Variants in TTC7B observed in about 807,000 individuals in gnomAD.
TTC7B encodes tetratricopeptide repeat protein 7B.
TTC7B carries 28 observed loss-of-function variants against 106.8 expected under a neutral mutation model. The ratio of observed to expected loss-of-function variants is 0.26; its 90% CI spans 0.19 to 0.36. The LOEUF (loss-of-function observed/expected upper bound fraction) is 0.36, where lower values mean the gene tolerates loss of function less well. Ranked by LOEUF, TTC7B falls within the 10% of genes least tolerant of loss-of-function variation. The probability of loss-of-function intolerance (pLI) is 1.00; values close to 1 mark genes in which losing one functional copy is unlikely to be tolerated. For missense variants in TTC7B, 862 were observed against 1,076.4 expected (o/e 0.80, Z 2.79); for synonymous variants, 405 against 430.6 (o/e 0.94, Z 0.74).
intron 17 of TTC7B, among the ~76,000 whole-genome samples, chr14:90,607,065 G>C (rs535765608): frequency 6.6e-6 from 1 of 152,216 alleles, no homozygotes; most frequent in Non-Finnish European, 1.5e-5. Flanking sequence ...GGACAGGAGA[G>C]AGAGATCGAA....
chr14:90,758,476 AG>A (rs1051232499), intron 3 of TTC7B, among the ~76,000 whole-genome samples: 4 of 8,588 alleles, frequency 4.7e-4, no homozygotes, highest in South Asian at 3.0e-3. Flanking sequence ...GGGGCGGGGC[AG>A]GGGGGGCACG....
At chr14:90,656,956 C>A (rs1885971062) in intron 11 of TTC7B, among the ~76,000 whole-genome samples, 1 of 152,188 alleles carries the variant, frequency 6.6e-6, no homozygotes, top group Non-Finnish European at 1.5e-5. Flanking sequence ...TAGGAAAAAA[C>A]CCCTGGAGTA....
intron 18 of TTC7B, among the ~76,000 whole-genome samples, chr14:90,586,163 T>C (rs1230970733): frequency 6.6e-6 from 1 of 152,234 alleles, no homozygotes; most frequent in Admixed American, 6.5e-5. Context: ...CTTCACCGCA[T>C]GGGCTCCTTC....
At position 90,579,936 on chromosome 14, in the gene TTC7B, C is replaced by T. The variant is rs534810912; in HGVS notation, c.2108-1628G>A. The stretch of plus-strand genomic sequence containing the variant: ...AATTATGCAGAGACTCCCCTCCCTG[C>T]CTCCTGCCCTGGCCATGAGCCTGTC... On this transcript the variant is annotated intron_variant, in intron 18 of 19. Transcript: ENST00000328459. 3.7e-4 allele frequency among the ~76,000 whole-genome samples: 56 copies of T among 152,274 alleles called. 1 individual carries two copies. The highest frequency in any genetic ancestry group is 7.8e-4 in the Admixed American group (12 of 15,290).
intron 19 of TTC7B, among the ~76,000 whole-genome samples, chr14:90,541,831 T>A (rs149685823): frequency 1.5e-3 from 222 of 152,374 alleles, no homozygotes; most frequent in African/African-American, 3.8e-3. Context: ...AATGGCAACT[T>A]CATATGGTTC....
chr14:90,737,954 T>C lies in TTC7B; in HGVS notation c.576+6838A>G, dbSNP rs115858602. Among the ~76,000 whole-genome samples, 601 of 152,212 alleles carry C rather than the reference T, an allele frequency of 3.9e-3. 5 individuals carry two copies. Among genetic ancestry groups the C allele is most frequent in the African/African-American group, 0.014 (575 of 41,528 alleles). On this transcript the variant is annotated intron_variant, in intron 4 of 19. Transcript: ENST00000328459. ...AGGGCTGGGGAGGCTGGCCATAAAA[T>C]GGGGATTGACTGCTGAGTGCAAGGT...
Position 90,653,013 on chromosome 14 carries a change from G to A in TTC7B, c.1460-115C>T, listed in dbSNP as rs1015214895. The A allele has an allele frequency of 7.4e-6, 8 of 1,074,566 alleles. No homozygotes were observed. In the African/African-American group the frequency reaches 9.3e-5, roughly 13 times the overall value. 66.6% of individuals were successfully genotyped at this position (1,074,566 alleles called of 1,614,324 possible). A position where few individuals can be genotyped will look rare whatever the true frequency, so the allele number is the denominator to read the frequency against. On this transcript the variant is annotated intron_variant, in intron 12 of 19. Transcript: ENST00000328459. ...GGATTAAAAGCAACAATGTCTGAGT[G>A]CCTACGTGCCCAGTCCTGCACCAGG...
Position 90,593,767 on chromosome 14 carries a change from G to A in TTC7B, c.1967-141C>T, listed in dbSNP as rs924675814. The A allele has an allele frequency of 1.3e-5, 11 of 858,212 alleles. No homozygotes were observed. In the African/African-American group the frequency reaches 1.4e-4, roughly 11 times the overall value. 53.2% of individuals were successfully genotyped at this position (858,212 alleles called of 1,614,324 possible). Reference sequence around the variant, plus strand: ...TAAGATTTACTGTCCACAGAGAAACGCGGGCAATCACGGCCCGGGGCCTTA... The same window carrying A: ...TAAGATTTACTGTCCACAGAGAAACACGGGCAATCACGGCCCGGGGCCTTA... On this transcript the variant is annotated intron_variant, in intron 17 of 19. Coordinates refer to ENST00000328459, the MANE Select transcript of TTC7B (RefSeq NM_001010854.2).
chr14:90,788,922 C>T (rs973874857), intron 1 of TTC7B, among the ~76,000 whole-genome samples: 5 of 151,204 alleles, frequency 3.3e-5, no homozygotes, highest in Non-Finnish European at 7.4e-5. Context: ...AAGATCATGC[C>T]ACTGCACTCC....
At chr14:90,576,332 T>G (rs1050832315) in intron 19 of TTC7B, among the ~76,000 whole-genome samples, 1 of 152,062 alleles carries the variant, frequency 6.6e-6, no homozygotes, top group Non-Finnish European at 1.5e-5. Context: ...GAGAAAAAAA[T>G]TAAAAGCCAT....
At chr14:90,785,358 G>C (rs1891351378) in intron 2 of TTC7B, among the ~76,000 whole-genome samples, 1 of 152,084 alleles carries the variant, frequency 6.6e-6, no homozygotes, top group Admixed American at 6.5e-5. Flanking sequence ...GGAAACGGAA[G>C]TCAGAGCTCC....
In TTC7B at chr14:90,575,720, G is replaced by A. The variant is rs866914654; in HGVS notation, c.2310+2386C>T. Among the ~76,000 whole-genome samples, 2 of 152,196 alleles carry A rather than the reference G, an allele frequency of 1.3e-5. No homozygotes were observed. Among genetic ancestry groups the A allele is most frequent in the Non-Finnish European group, 2.9e-5 (2 of 68,034 alleles). ...AAGAAGGCGTGCTCAAGCTACCTTC[G>A]GGAGCCACACTGATCAGTCACTGGG... is the stretch of plus-strand genomic sequence containing the variant. On this transcript the variant is annotated intron_variant, in intron 19 of 19. Transcript: ENST00000328459. The surrounding 1 kb of genome is among the most constrained non-coding windows in gnomAD (Gnocchi z 5.2).
chr14:90,618,435 G>A (rs553226786), intron 15 of TTC7B, among the ~76,000 whole-genome samples: 41 of 152,242 alleles, frequency 2.7e-4, no homozygotes, highest in Non-Finnish European at 3.5e-4. Context: ...ATTTGACTCA[G>A]TTGATATAAA....
At chr14:90,584,534 A>G (rs1891636792) in intron 18 of TTC7B, among the ~76,000 whole-genome samples, 1 of 152,164 alleles carries the variant, frequency 6.6e-6, no homozygotes, top group Non-Finnish European at 1.5e-5. Context: ...GTTGTCCTCC[A>G]CTAGCCAAGG....
intron 9 of TTC7B, among the ~76,000 whole-genome samples, chr14:90,662,438 C>T (rs190684453): frequency 1.3e-5 from 2 of 152,368 alleles, no homozygotes; most frequent in Admixed American, 1.3e-4. Flanking sequence ...CCGTCACCTA[C>T]AGCCAAGGCC....
At chr14:90,554,782 G>A (rs1183403877) in intron 19 of TTC7B, among the ~76,000 whole-genome samples, 1 of 152,258 alleles carries the variant, frequency 6.6e-6, no homozygotes, top group East Asian at 1.9e-4. Flanking sequence ...GAAGAAGGCG[G>A]AAGCTCAGGG....
chr14:90,657,125 CT>C lies in TTC7B; in HGVS notation c.1341+48del, dbSNP rs1274484183. 6.6e-7 allele frequency: 1 copy of C among 1,524,680 alleles called. No homozygotes were observed. 94.4% of individuals were successfully genotyped at this position (1,524,680 alleles called of 1,614,324 possible). ...CTCGACATGAAAAAAATGGGCAGTCCTGGCCCAGAGTCCTCTGCAGGAGCGG... is the reference window on the plus strand; with the variant it reads ...CTCGACATGAAAAAAATGGGCAGTCCGGCCCAGAGTCCTCTGCAGGAGCGG... On this transcript the variant is annotated intron_variant, in intron 11 of 19. Transcript: ENST00000328459. This position sits in a 1 kb window ranked among gnomAD's most constrained non-coding sequence, Gnocchi z 4.2.
chr14:90,574,072 T>C (rs985520279), intron 19 of TTC7B, among the ~76,000 whole-genome samples: 3 of 152,214 alleles, frequency 2.0e-5, no homozygotes, highest in African/African-American at 7.2e-5. Context: ...GGCCTGGGAA[T>C]GACTGTCCAG....
At chr14:90,765,681 T>C (rs1268596108) in intron 3 of TTC7B, among the ~76,000 whole-genome samples, 1 of 152,210 alleles carries the variant, frequency 6.6e-6, no homozygotes, top group Non-Finnish European at 1.5e-5. Flanking sequence ...TAATTTCAGC[T>C]TTTAGCATAG....
Sources: gnomAD v4.1 joint callset for allele counts (sites outside exome capture counted in the v4.1 genomes callset) on GRCh38, gnomAD v4.1.1 for gene constraint, Gnocchi (gnomAD v3.1) non-coding constraint, MANE v1.5 for transcripts, NCBI Gene and HGNC (gene_info 2026-07-23, HGNC 2026-07-21) for gene names.